LDLRAD3: variants seen among roughly 807,000 people sequenced by gnomAD.
LDLRAD3 encodes the protein low-density lipoprotein receptor class A domain-containing protein 3.
Under a neutral mutation model 29.4 loss-of-function variants are expected in LDLRAD3, and 20 were observed. That is an observed-to-expected ratio of 0.68 (90% CI 0.48 to 0.99). LDLRAD3 has a LOEUF of 0.99. Among genes scored for constraint, LDLRAD3 ranks in the 50% least tolerant of loss-of-function variants. The probability of loss-of-function intolerance (pLI) is 0.00; values close to 1 mark genes in which losing one functional copy is unlikely to be tolerated. For synonymous variants in LDLRAD3, 157 were observed against 192.7 expected, an observed-to-expected ratio of 0.81 and a Z score of 1.53; for missense variants, 420 against 454.3, an observed-to-expected ratio of 0.92 and a Z score of 0.69.
chr11:36,169,932 T>C (rs975335216), intron 4 of LDLRAD3, among the ~76,000 whole-genome samples: 5 of 152,104 alleles, frequency 3.3e-5, no homozygotes, highest in African/African-American at 1.2e-4. Flanking sequence ...ATAAGTTCTT[T>C]AGCGGTAATT....
chr11:35,991,807 G>A (rs918714594), intron 1 of LDLRAD3, among the ~76,000 whole-genome samples: 3 of 151,504 alleles, frequency 2.0e-5, no homozygotes, highest in Admixed American at 6.6e-5. Flanking sequence ...TCAGCTTTTC[G>A]ATAGCTACAA....
chr11:36,178,793 C>A (rs1854715085), intron 4 of LDLRAD3, among the ~76,000 whole-genome samples: 1 of 152,222 alleles, frequency 6.6e-6, no homozygotes, highest in Admixed American at 6.5e-5. Context: ...GCCAGAGACC[C>A]TCCCATCCCT....
chr11:36,179,838 T>C (rs922673943), intron 4 of LDLRAD3, among the ~76,000 whole-genome samples: 1 of 151,528 alleles, frequency 6.6e-6, no homozygotes. Flanking sequence ...TACAAAAAAA[T>C]AAAAAATTAG....
intron 1 of LDLRAD3, among the ~76,000 whole-genome samples, chr11:36,033,353 C>T (rs892215483): frequency 6.6e-6 from 1 of 152,198 alleles, no homozygotes; most frequent in Admixed American, 6.5e-5. Flanking sequence ...CTGGCAGGAC[C>T]ACCTGTGTGT....
chr11:35,967,447 C>G (rs555569633), intron 1 of LDLRAD3: 1 of 325,288 alleles, frequency 3.1e-6, no homozygotes, highest in Admixed American at 4.4e-5. Flanking sequence ...TGATTAATCC[C>G]AAGGCAAATA....
At chr11:36,013,069 C>T (rs1851975426) in intron 1 of LDLRAD3, among the ~76,000 whole-genome samples, 1 of 152,150 alleles carries the variant, frequency 6.6e-6, no homozygotes, top group Non-Finnish European at 1.5e-5. Context: ...AAATGCTGTT[C>T]CTTATTTGTA....
chr11:36,087,185 A>G (rs1361820559), intron 3 of LDLRAD3, among the ~76,000 whole-genome samples: 2 of 152,238 alleles, frequency 1.3e-5, no homozygotes, highest in Non-Finnish European at 2.9e-5. Flanking sequence ...AGAGAGTAAA[A>G]GACAAATTAA....
chr11:36,104,610 A>T (rs1316189781), intron 4 of LDLRAD3, among the ~76,000 whole-genome samples: 1 of 152,176 alleles, frequency 6.6e-6, no homozygotes, highest in Non-Finnish European at 1.5e-5. Context: ...ACTGCATGTC[A>T]GGCACCATTC....
chr11:35,963,330 A>G (rs1218293786), intron 1 of LDLRAD3, among the ~76,000 whole-genome samples: 1 of 152,122 alleles, frequency 6.6e-6, no homozygotes, highest in African/African-American at 2.4e-5. Flanking sequence ...AAAATATCAA[A>G]GAACTGAAAC....
chr11:35,958,094 T>C (rs1851228160), intron 1 of LDLRAD3, among the ~76,000 whole-genome samples: 1 of 152,212 alleles, frequency 6.6e-6, no homozygotes, highest in East Asian at 1.9e-4. Context: ...TAAAATACTA[T>C]GCAGACATTA....
chr11:36,229,628 T>TTAATGCTAC lies in LDLRAD3; in HGVS notation c.*231_*232insTAATGCTAC. On this transcript the variant is annotated 3_prime_UTR_variant, in exon 6 of 6. Coordinates refer to ENST00000315571, the MANE Select transcript of LDLRAD3 (RefSeq NM_174902.4). ...CTTTTCTGTCAGGTCACTCTTCCCT[T>TTAATGCTAC]GGGACCCGAGATCACACCCTCATTT... 2.1e-6 allele frequency: 1 copy of TTAATGCTAC among 474,264 alleles called. No individual in the cohort carries two copies. The allele number at this position is 474,264 out of a possible 1,614,324, so 29.4% of individuals were successfully genotyped here.
intron 4 of LDLRAD3, among the ~76,000 whole-genome samples, chr11:36,103,852 T>A (rs574085837): frequency 6.6e-6 from 1 of 152,360 alleles, no homozygotes; most frequent in South Asian, 2.1e-4. Context: ...CCATCCATGT[T>A]GTAGCCTATC....
In LDLRAD3 at chr11:36,227,231, A is replaced by G; in HGVS notation, c.601A>G (p.Asn201Asp). The change falls in exon 5 of 6, where the codon AAC becomes GAC. Residue 201 changes from asparagine to aspartate, a missense_variant. Asn to Asp is a conservative substitution (Grantham distance 23, BLOSUM62 1). Transcript: ENST00000315571. ...ALVLHHQRKR[N>D]NLMTLPVHRL... Reference sequence around the variant, plus strand: ...GGTCTTGCACCACCAGCGGAAGCGGAACAACCTCATGACGCTGCCCGTGCA... The same window carrying G: ...GGTCTTGCACCACCAGCGGAAGCGGGACAACCTCATGACGCTGCCCGTGCA... The G allele has an allele frequency of 6.2e-7, 1 of 1,614,174 alleles. No individual in the cohort carries two copies. Among genetic ancestry groups the G allele is most frequent in the Non-Finnish European group, 8.5e-7 (1 of 1,180,030 alleles).
intron 4 of LDLRAD3, among the ~76,000 whole-genome samples, chr11:36,198,121 A>G (rs1855062709): frequency 6.6e-6 from 1 of 152,202 alleles, no homozygotes; most frequent in African/African-American, 2.4e-5. Flanking sequence ...TGAAAGAGAG[A>G]TAACTAGATT....
chr11:36,162,757 A>C (rs531651359), intron 4 of LDLRAD3, among the ~76,000 whole-genome samples: 1 of 152,182 alleles, frequency 6.6e-6, no homozygotes, highest in Non-Finnish European at 1.5e-5. Flanking sequence ...GGCCCAGTGA[A>C]TGCTTGATTT....
chr11:36,038,639 G>A (rs1179266165), intron 2 of LDLRAD3, among the ~76,000 whole-genome samples: 1 of 152,244 alleles, frequency 6.6e-6, no homozygotes, highest in Non-Finnish European at 1.5e-5. Flanking sequence ...GAGAGCAAAT[G>A]TTTTTAAAAA....
intron 1 of LDLRAD3, among the ~76,000 whole-genome samples, chr11:36,025,686 GC>G (rs1385521818): frequency 2.0e-5 from 3 of 151,520 alleles, no homozygotes; most frequent in African/African-American, 7.3e-5. Context: ...ACCGCGCCCG[GC>G]CCAGATTTTT....
intron 1 of LDLRAD3, among the ~76,000 whole-genome samples, chr11:35,959,328 A>G (rs982770315): frequency 2.6e-5 from 4 of 152,084 alleles, no homozygotes; most frequent in Non-Finnish European, 5.9e-5. Context: ...TCAACTCCCA[A>G]TCAGAGAATT....
chr11:36,139,636 T>C (rs753893471), intron 4 of LDLRAD3, among the ~76,000 whole-genome samples: 1 of 152,180 alleles, frequency 6.6e-6, no homozygotes, highest in Non-Finnish European at 1.5e-5. Context: ...TTACCCGTAG[T>C]CACACAGCTG....
Sources: gnomAD v4.1 joint callset for allele counts (sites outside exome capture counted in the v4.1 genomes callset) on GRCh38, gnomAD v4.1.1 for gene constraint, MANE v1.5 for transcripts, NCBI Gene and HGNC (gene_info 2026-07-23, HGNC 2026-07-21) for gene names.